LDB2: variants seen among roughly 807,000 people sequenced by gnomAD.
LDB2 encodes LIM domain-binding protein 2.
In LDB2, 12 loss-of-function variants were observed where a neutral mutation model predicts 44.3. The observed-to-expected ratio is 0.27, with a 90% CI of 0.17 to 0.44. LDB2 has a LOEUF of 0.44. LDB2 is among the 20% of genes least tolerant of loss of function. The probability of loss-of-function intolerance (pLI) is 1.00; values close to 1 mark genes in which losing one functional copy is unlikely to be tolerated. For missense variants in LDB2, 344 were observed against 473.5 expected (o/e 0.73, Z 2.54); for synonymous variants, 164 against 174.8 (o/e 0.94, Z 0.49).
chr4:16,611,302 G>A (rs538037818), intron 2 of LDB2, among the ~76,000 whole-genome samples: 3 of 152,224 alleles, frequency 2.0e-5, no homozygotes, highest in South Asian at 2.1e-4. Flanking sequence ...AAGAAACTGC[G>A]TCAACTAGTG....
At chr4:16,879,888 G>A (rs542128302) in intron 1 of LDB2, among the ~76,000 whole-genome samples, 1 of 152,172 alleles carries the variant, frequency 6.6e-6, no homozygotes, top group East Asian at 1.9e-4. Flanking sequence ...TGCATTCTAT[G>A]GACATGGTAC....
At chr4:16,822,519 A>ATTT in intron 1 of LDB2, among the ~76,000 whole-genome samples, 1 of 151,958 alleles carries the variant, frequency 6.6e-6, no homozygotes, top group Admixed American at 6.5e-5. Context: ...TATTATTATT[A>ATTT]TTATTTTTCT....
Position 16,511,998 on chromosome 4 carries a change from C to G in LDB2, c.722G>C (p.Arg241Thr). 12 of 1,613,320 alleles carry G rather than the reference C, an allele frequency of 7.4e-6. No homozygotes were observed. The highest frequency in any genetic ancestry group is 8.5e-6 in the Non-Finnish European group (10 of 1,179,556). Residue 241 changes from arginine to threonine, a missense_variant, in exon 6 of 8, where the codon AGG (arginine) becomes ACG (threonine). Physicochemically the swap from Arg to Thr is moderately conservative, Grantham distance 71. Around this residue, in one of 3 missense-constraint regions of LDB2, gnomAD observed 86 missense variants for 171.2 expected, o/e 0.50. Coordinates refer to ENST00000304523, the MANE Select transcript of LDB2 (RefSeq NM_001290.5). ...LKTCLFQKWQ[R>T]MVAPPAEPTR... ...GGGTGTACCTGGCGGAGCCACCATC[C>G]TCTGCCACTTCTGAAACAAGCAGGT...
chr4:16,873,844 C>T (rs1275969842), intron 1 of LDB2, among the ~76,000 whole-genome samples: 2 of 152,162 alleles, frequency 1.3e-5, no homozygotes, highest in African/African-American at 4.8e-5. Flanking sequence ...AGCAGGTTTT[C>T]ATGATCCCAA....
intron 2 of LDB2, among the ~76,000 whole-genome samples, chr4:16,747,948 AAGAC>A (rs779527213): frequency 9.9e-5 from 15 of 152,188 alleles, no homozygotes; most frequent in Non-Finnish European, 2.2e-4. Flanking sequence ...AAAGTAAAAA[AAGAC>A]AAACAATCAA....
chr4:16,628,942 G>A (rs1180366276), intron 2 of LDB2, among the ~76,000 whole-genome samples: 1 of 152,214 alleles, frequency 6.6e-6, no homozygotes, highest in Non-Finnish European at 1.5e-5. Flanking sequence ...GGTAGACCAG[G>A]AGATCCCCCA....
intron 5 of LDB2, among the ~76,000 whole-genome samples, chr4:16,579,094 T>C (rs1713163398): frequency 6.6e-6 from 1 of 152,080 alleles, no homozygotes; most frequent in Admixed American, 6.6e-5. Flanking sequence ...CAAACAGAGT[T>C]AGAAAGAATT....
At chr4:16,732,135 TC>T (rs1760890848) in intron 2 of LDB2, among the ~76,000 whole-genome samples, 3 of 152,108 alleles carry the variant, frequency 2.0e-5, no homozygotes, top group Admixed American at 6.5e-5. Flanking sequence ...AAAAGGACAG[TC>T]CCCCTCCCTA....
intron 2 of LDB2, among the ~76,000 whole-genome samples, chr4:16,607,006 C>T (rs1287730604): frequency 6.6e-6 from 1 of 152,144 alleles, no homozygotes; most frequent in Non-Finnish European, 1.5e-5. Context: ...AGGTGATTTC[C>T]TTTCTGTAGA....
intron 1 of LDB2, among the ~76,000 whole-genome samples, chr4:16,880,903 C>CAA (rs1004776367): frequency 0.083 from 4,747 of 57,322 alleles, 395 homozygotes; most frequent in African/African-American, 0.22. Context: ...GACTCCATCT[C>CAA]AAAAAAAAAA....
intron 2 of LDB2, among the ~76,000 whole-genome samples, chr4:16,716,065 C>T (rs1352050575): frequency 6.6e-6 from 1 of 152,148 alleles, no homozygotes; most frequent in East Asian, 1.9e-4. Flanking sequence ...GTTTATATTT[C>T]TAAGTAAGGC....
chr4:16,581,871 A>G lies in LDB2; in HGVS notation c.615+4051T>C, dbSNP rs184421031. Among the ~76,000 whole-genome samples the G allele has an allele frequency of 3.1e-3, 472 of 151,846 alleles. 2 individuals carry two copies. Among genetic ancestry groups the G allele is most frequent in the Admixed American group, 5.5e-3 (84 of 15,204 alleles). On this transcript the variant is annotated intron_variant, in intron 5 of 7. Coordinates refer to ENST00000304523, the MANE Select transcript of LDB2 (RefSeq NM_001290.5). ...TAGGACTAAAAATAGTTCTTACCCC[A>G]TATGGATGCTGTGAGTATTTAAAGA...
chr4:16,827,459 A>G (rs1236342362), intron 1 of LDB2, among the ~76,000 whole-genome samples: 1 of 152,170 alleles, frequency 6.6e-6, no homozygotes, highest in East Asian at 1.9e-4. Flanking sequence ...AACCAAAACA[A>G]AACAGGATGA....
chr4:16,611,013 C>T (rs888458411), intron 2 of LDB2, among the ~76,000 whole-genome samples: 8 of 152,090 alleles, frequency 5.3e-5, no homozygotes, highest in Non-Finnish European at 8.8e-5. Flanking sequence ...TAACAGAGGA[C>T]GTCTCAGCAG....
At chr4:16,783,856 A>T (rs1419122552) in intron 1 of LDB2, among the ~76,000 whole-genome samples, 2 of 152,152 alleles carry the variant, frequency 1.3e-5, no homozygotes, top group Non-Finnish European at 2.9e-5. Context: ...TTGCCTTTTT[A>T]AAAAAGTTTT....
At chr4:16,795,752 A>C (rs115764747) in intron 1 of LDB2, among the ~76,000 whole-genome samples, 2,162 of 152,210 alleles carry the variant, frequency 0.014, 62 homozygotes, top group African/African-American at 0.049. Context: ...AGTCTCCCCC[A>C]CCACCTTAAC....
At position 16,856,849 on chromosome 4, in the gene LDB2, A is replaced by G. The variant is rs560871561; in HGVS notation, c.132+41505T>C. ...GGTTAAGTCACTTGTCCAAAGTTATACAGCTAATGCATGTCATTGTAGCAT... is the reference window on the plus strand; with the variant it reads ...GGTTAAGTCACTTGTCCAAAGTTATGCAGCTAATGCATGTCATTGTAGCAT... On this transcript the variant is annotated intron_variant, in intron 1 of 7. Coordinates refer to ENST00000304523, the MANE Select transcript of LDB2 (RefSeq NM_001290.5). Among the ~76,000 whole-genome samples the G allele has an allele frequency of 2.0e-5, 3 of 152,360 alleles. No individual in the cohort carries two copies. The South Asian group carries it at 6.2e-4, about 32-fold the overall frequency.
intron 2 of LDB2, among the ~76,000 whole-genome samples, chr4:16,725,806 C>G (rs1172760956): frequency 6.6e-6 from 1 of 151,778 alleles, no homozygotes; most frequent in Non-Finnish European, 1.5e-5. Context: ...TCCCTTGCTA[C>G]AGCAAGCTCT....
chr4:16,800,628 T>C (rs1777612091), intron 1 of LDB2, among the ~76,000 whole-genome samples: 1 of 152,240 alleles, frequency 6.6e-6, no homozygotes, highest in Non-Finnish European at 1.5e-5. Context: ...GGGAGTCATA[T>C]AAAATGAACT....
Sources: allele counts gnomAD v4.1 joint callset (sites outside exome capture counted in the v4.1 genomes callset), GRCh38; gene constraint gnomAD v4.1.1; regional missense constraint gnomAD v4.1.1; transcripts MANE v1.5; gene names NCBI Gene and HGNC (gene_info 2026-07-23, HGNC 2026-07-21).